The following TCF12 variants were observed in gnomAD, a reference collection of about 807,000 sequenced individuals.
TCF12 encodes DNA-binding protein HTF4.
In TCF12, 45 loss-of-function variants were observed where a neutral mutation model predicts 86.0. The observed-to-expected ratio is 0.52, with a 90% CI of 0.41 to 0.67. TCF12 has a LOEUF of 0.67. Among genes scored for constraint, TCF12 ranks in the 30% least tolerant of loss-of-function variants. The pLI is 0.00. For missense variants in TCF12, 881 were observed against 859.9 expected, an observed-to-expected ratio of 1.02 and a Z score of -0.31; for synonymous variants, 330 against 299.6, an observed-to-expected ratio of 1.10 and a Z score of -1.05.
At chr15:56,936,625 G>A (rs1445322628) in intron 3 of TCF12, among the ~76,000 whole-genome samples, 1 of 152,154 alleles carries the variant, frequency 6.6e-6, no homozygotes, top group Non-Finnish European at 1.5e-5. Flanking sequence ...TTAGATTTAA[G>A]TTTTTGATCC....
intron 5 of TCF12, among the ~76,000 whole-genome samples, chr15:57,123,583 A>G (rs2051392601): frequency 6.6e-6 from 1 of 151,252 alleles, no homozygotes; most frequent in Non-Finnish European, 1.5e-5. Context: ...GCACAATCTC[A>G]GCTCACTGCA....
intron 3 of TCF12, among the ~76,000 whole-genome samples, chr15:57,025,419 T>C (rs1359798033): frequency 6.6e-6 from 1 of 152,088 alleles, no homozygotes; most frequent in Non-Finnish European, 1.5e-5. Flanking sequence ...TGAGGTTTCT[T>C]TGGGGCACTC....
At chr15:57,037,340 C>T (rs1338713644) in intron 3 of TCF12, among the ~76,000 whole-genome samples, 2 of 152,058 alleles carry the variant, frequency 1.3e-5, no homozygotes, top group African/African-American at 4.8e-5. Flanking sequence ...ACTTGGGAGG[C>T]TGAGGCAGGA....
intron 6 of TCF12, among the ~76,000 whole-genome samples, chr15:57,176,154 C>T (rs184448938): frequency 2.6e-5 from 4 of 152,236 alleles, no homozygotes; most frequent in African/African-American, 9.6e-5. Context: ...GCTATAATCG[C>T]ATCATTGCAC....
At chr15:56,995,284 G>A (rs1267291648) in intron 3 of TCF12, among the ~76,000 whole-genome samples, 7 of 43,888 alleles carry the variant, frequency 1.6e-4, no homozygotes, top group Admixed American at 4.9e-4. Context: ...TGGCTATTTC[G>A]GCTCTTTTTG....
intron 8 of TCF12, among the ~76,000 whole-genome samples, chr15:57,213,453 T>TA (rs1360482860): frequency 6.6e-6 from 1 of 152,184 alleles, no homozygotes; most frequent in Non-Finnish European, 1.5e-5. Flanking sequence ...TTACTACCAC[T>TA]AGCAAGAATT....
At chr15:57,000,718 G>T (rs551911761) in intron 3 of TCF12, among the ~76,000 whole-genome samples, 65 of 152,124 alleles carry the variant, frequency 4.3e-4, no homozygotes, top group African/African-American at 1.5e-3. Flanking sequence ...TGTTTTTCCA[G>T]TCTAACTTTG....
chr15:56,990,151 C>CT (rs372235874), intron 3 of TCF12, among the ~76,000 whole-genome samples: 34,121 of 92,474 alleles, frequency 0.37, 8,380 homozygotes, highest in African/African-American at 0.67. Context: ...ATAGTCTTGT[C>CT]TTTTTTTTTT....
chr15:57,135,391 A>C (rs1452511478), intron 5 of TCF12, among the ~76,000 whole-genome samples: 1 of 152,198 alleles, frequency 6.6e-6, no homozygotes, highest in Non-Finnish European at 1.5e-5. Context: ...GAAAGAGACT[A>C]TTTTTGTATA....
chr15:57,023,224 G>GT (rs1236639184), intron 3 of TCF12, among the ~76,000 whole-genome samples: 4 of 152,168 alleles, frequency 2.6e-5, no homozygotes, highest in African/African-American at 7.2e-5. Context: ...TAAGTATGGA[G>GT]TTTGATTTTA....
At chr15:57,282,984 C>T (rs562853050) in intron 20 of TCF12, among the ~76,000 whole-genome samples, 23 of 152,280 alleles carry the variant, frequency 1.5e-4, no homozygotes, top group African/African-American at 5.5e-4. Context: ...TATCATCAAC[C>T]AGTTTTCTGC....
intron 5 of TCF12, among the ~76,000 whole-genome samples, chr15:57,123,673 C>T (rs62024363): frequency 1.3e-5 from 2 of 151,756 alleles, no homozygotes; most frequent in East Asian, 1.9e-4. Flanking sequence ...GTTTTAAGGC[C>T]GGGTGCAGTG....
At chr15:57,206,424 G>T (rs1042891735) in intron 8 of TCF12, among the ~76,000 whole-genome samples, 10 of 151,776 alleles carry the variant, frequency 6.6e-5, no homozygotes, top group Admixed American at 3.3e-4. Flanking sequence ...AATAAATAAA[G>T]CTTTATTTAT....
intron 5 of TCF12, among the ~76,000 whole-genome samples, chr15:57,136,975 T>A: frequency 1.5e-5 from 1 of 65,242 alleles, no homozygotes; most frequent in Admixed American, 2.4e-4. Flanking sequence ...TTTTTGTTTT[T>A]TTTTTTTTTT....
intron 4 of TCF12, among the ~76,000 whole-genome samples, chr15:57,081,532 A>G (rs2070658225): frequency 6.6e-6 from 1 of 152,208 alleles, no homozygotes; most frequent in African/African-American, 2.4e-5. Flanking sequence ...TATTATTTTT[A>G]TTATAGTAGT....
rs1567521035 is a variant in TCF12 at position 57,150,878 on chromosome 15, CCTTCCTTCCTTCCTTCCTT to C, written c.326-15522_326-15504del. On this transcript the variant is annotated intron_variant, in intron 5 of 20. Transcript: ENST00000333725. ...CCCTGTCTCTCCCCCTCTGTCCCTT[CCTTCCTTCCTTCCTTCCTT>C]CCTTCCTTCCTTCCTTCCTTCCTTC... is the stretch of plus-strand genomic sequence containing the variant. Among the ~76,000 whole-genome samples, 849 of 95,636 alleles carry C rather than the reference CCTTCCTTCCTTCCTTCCTT, an allele frequency of 8.9e-3. 22 individuals are homozygous for C. Among genetic ancestry groups the C allele is most frequent in the African/African-American group, 0.032 (738 of 22,906 alleles). The allele number at this position is 95,636 out of a possible 152,430, so 62.7% of individuals were successfully genotyped here. A position where few individuals can be genotyped will look rare whatever the true frequency, so the allele number is the denominator to read the frequency against.
chr15:57,008,393 CGAGACAGGG>C (rs2064608872), intron 3 of TCF12, among the ~76,000 whole-genome samples: 1 of 146,314 alleles, frequency 6.8e-6, no homozygotes, highest in African/African-American at 2.5e-5. Context: ...TTCTTTTTTT[CGAGACAGGG>C]TTTTGCTCTG....
At chr15:56,938,651 T>G (rs1488225609) in intron 3 of TCF12, among the ~76,000 whole-genome samples, 1 of 151,950 alleles carries the variant, frequency 6.6e-6, no homozygotes, top group African/African-American at 2.4e-5. Context: ...CTTTTTTTTT[T>G]TTTTTTTTAG....
chr15:57,217,634 C>T (rs2058385362), intron 8 of TCF12, among the ~76,000 whole-genome samples: 1 of 151,924 alleles, frequency 6.6e-6, no homozygotes, highest in South Asian at 2.1e-4. Flanking sequence ...TTTGTGGCTC[C>T]CCTCTTCTCC....
Sources: allele counts gnomAD v4.1 joint callset (sites outside exome capture counted in the v4.1 genomes callset), GRCh38; gene constraint gnomAD v4.1.1; transcripts MANE v1.5; gene names NCBI Gene and HGNC (gene_info 2026-07-23, HGNC 2026-07-21).